Variants in IGSF3 observed in about 807,000 individuals in gnomAD.
IGSF3 encodes immunoglobulin superfamily member 3, also known as glu-Trp-Ile EWI motif-containing protein 3.
In IGSF3, 23 loss-of-function variants were observed where a neutral mutation model predicts 114.4. That is an observed-to-expected ratio of 0.20 (90% CI 0.14 to 0.28). The LOEUF is 0.28. Ranked by LOEUF, IGSF3 falls within the 10% of genes least tolerant of loss-of-function variation. The pLI is 1.00. For missense variants in IGSF3, 1,172 were observed against 1,591.5 expected (o/e 0.74, Z 4.48); for synonymous variants, 571 against 645.2 (o/e 0.88, Z 1.74).
chr1:116,640,664 T>C (rs1648049275), intron 2 of IGSF3, among the ~76,000 whole-genome samples: 1 of 152,242 alleles, frequency 6.6e-6, no homozygotes, highest in African/African-American at 2.4e-5. Flanking sequence ...GTCTGAATAA[T>C]CATTATCTAT....
At position 116,608,137 on chromosome 1, in the gene IGSF3, G is replaced by A. The variant is rs186643565; in HGVS notation, c.1027C>T (p.Arg343Trp). Reference sequence around the variant, plus strand: ...ACCTTAAGCTGTCCCCTGGCTTCCCGGTGAGCAAATTCGCTGTTGAGGACA... The same window carrying A: ...ACCTTAAGCTGTCCCCTGGCTTCCCAGTGAGCAAATTCGCTGTTGAGGACA... ...VPVLNSEFAH[R>W]EARGQLKVAK... is the part of the protein sequence containing the mutation. Residue 343 changes from arginine (R) to tryptophan (W), a missense_variant, in exon 5 of 11, where the codon CGG becomes TGG. Arg to Trp is a moderately radical substitution (Grantham distance 101). Coordinates refer to ENST00000369486, the MANE Select transcript of IGSF3 (RefSeq NM_001007237.3). 37 of 1,613,858 alleles carry A rather than the reference G, an allele frequency of 2.3e-5. No individual in the cohort carries two copies. The highest frequency in any genetic ancestry group is 4.4e-5 in the South Asian group (4 of 91,070).
intron 2 of IGSF3, chr1:116,646,934 G>A (rs1648403581): frequency 1.3e-5 from 2 of 152,302 alleles, no homozygotes; most frequent in Admixed American, 1.3e-4. Context: ...GGCTAATGCA[G>A]GTTCTTCTCT....
In IGSF3 at chr1:116,600,724, C is replaced by T. The variant is rs1660544667; in HGVS notation, c.1625-379G>A. Among the ~76,000 whole-genome samples, 1 of 152,160 alleles carries T rather than the reference C, an allele frequency of 6.6e-6. No homozygotes were observed. The highest frequency in any genetic ancestry group is 2.1e-4 in the South Asian group (1 of 4,830). ...GAACAGGAAAAGAAAACCCCAAAGC[C>T]AATTTCCTCCATTGCACAGGAGGAA... On this transcript the variant is annotated intron_variant, in intron 6 of 10. Coordinates refer to ENST00000369486, the MANE Select transcript of IGSF3 (RefSeq NM_001007237.3). The surrounding 1 kb of genome is among the most constrained non-coding windows in gnomAD (Gnocchi z 5.5).
In IGSF3 at chr1:116,584,976, C is replaced by G. The variant is rs143747759; in HGVS notation, c.2517G>C (p.Val839=). Residue 839 remains valine (V), a synonymous_variant, in exon 9 of 11, where the codon GTG becomes GTC. Transcript: ENST00000369486. This position sits in a 1 kb window ranked among gnomAD's most constrained non-coding sequence, Gnocchi z 5.8. The stretch of plus-strand genomic sequence containing the variant: ...AGGTTATGCTGGTGCGGTTGAGAAC[C>G]ACACACTCCAGCTGTACCTGCCGGG... ...LETRQVQLEC[V]VLNRTSITSQ... 5.3e-5 allele frequency: 85 copies of G among 1,603,212 alleles called. No individual in the cohort carries two copies. Among genetic ancestry groups the G allele is most frequent in the Non-Finnish European group, 6.8e-5 (80 of 1,172,072 alleles).
At chr1:116,641,790 T>A (rs1285936456) in intron 2 of IGSF3, among the ~76,000 whole-genome samples, 1 of 151,780 alleles carries the variant, frequency 6.6e-6, no homozygotes. Context: ...ATTATCAAAT[T>A]CGTGTGTCTG....
rs961894317 is a variant in IGSF3, at chr1:116,655,312, G to T, written c.43+10972C>A. Among the ~76,000 whole-genome samples, 10 of 152,214 alleles carry T rather than the reference G, an allele frequency of 6.6e-5. No individual in the cohort carries two copies. Among genetic ancestry groups the T allele is most frequent in the African/African-American group, 2.2e-4 (9 of 41,452 alleles). On this transcript the variant is annotated intron_variant, in intron 2 of 10. Transcript: ENST00000369486. This position sits in a 1 kb window ranked among gnomAD's most constrained non-coding sequence, Gnocchi z 4.3. ...GCTACCCCCAGAGGTCTCAGGACAA[G>T]GGATAGAAAGTCAAACACTGATGTT...
In IGSF3 at chr1:116,636,517, G is replaced by C. The variant is rs1647836486; in HGVS notation, c.44-20060C>G. ...CTGCTGGATCCCCAGCTCCTAGAAT[G>C]GTGTGTGGCACCTGAACAGACCTCA... On this transcript the variant is annotated intron_variant, in intron 2 of 10. Transcript: ENST00000369486. This position sits in a 1 kb window ranked among gnomAD's most constrained non-coding sequence, Gnocchi z 4.5. Among the ~76,000 whole-genome samples the C allele has an allele frequency of 6.6e-6, 1 of 152,136 alleles. No homozygotes were observed. Among genetic ancestry groups the C allele is most frequent in the Non-Finnish European group, 1.5e-5 (1 of 68,020 alleles).
Position 116,610,177 on chromosome 1 carries a change from T to C in IGSF3, c.833-1846A>G, listed in dbSNP as rs759646485. Among the ~76,000 whole-genome samples, 2 of 152,202 alleles carry C rather than the reference T, an allele frequency of 1.3e-5. No homozygotes were observed. The highest frequency in any genetic ancestry group is 2.9e-5 in the Non-Finnish European group (2 of 68,048). On this transcript the variant is annotated intron_variant, in intron 4 of 10. Coordinates refer to ENST00000369486, the MANE Select transcript of IGSF3 (RefSeq NM_001007237.3). The surrounding 1 kb of genome is among the most constrained non-coding windows in gnomAD (Gnocchi z 4.3). ...TCCCCGTGTTATCTGCTGGATATTA[T>C]CTCTCAGGTCAACCCAGTTAGTCAT... is the stretch of plus-strand genomic sequence containing the variant.
rs1557851661 is a variant in IGSF3, at chr1:116,577,555, G to A, written c.3342C>T (p.Thr1114=). 1.2e-6 allele frequency: 2 copies of A among 1,613,656 alleles called. No homozygotes were observed. The highest frequency in any genetic ancestry group is 1.3e-5 in the African/African-American group (1 of 74,870). The change falls in exon 11 of 11, where the codon ACC becomes ACT. Residue 1114 remains threonine (T), a synonymous_variant. Transcript: ENST00000369486. This position sits in a 1 kb window ranked among gnomAD's most constrained non-coding sequence, Gnocchi z 5.7. ...CGTTGGAGCAGATGATGGACTGGAGGGTGGGACCTGAAAAGAATCATGAGA... is the reference window on the plus strand; with the variant it reads ...CGTTGGAGCAGATGATGGACTGGAGAGTGGGACCTGAAAAGAATCATGAGA... ...IGIRVLDTSP[T]LQSIICSNDA... is the part of the protein sequence containing the mutation.
Position 116,658,982 on chromosome 1 carries a change from G to T in IGSF3, c.43+7302C>A, listed in dbSNP as rs559828714. Among the ~76,000 whole-genome samples the T allele has an allele frequency of 2.4e-3, 361 of 152,320 alleles. 1 individual carries two copies. The highest frequency in any genetic ancestry group is 8.3e-3 in the African/African-American group (343 of 41,562). On this transcript the variant is annotated intron_variant, in intron 2 of 10. Transcript: ENST00000369486. ...ATAATGGGAAATGGGGTCTTCTGGT[G>T]AATTTAATTACAGGGTTAGGTGGAA... is the stretch of plus-strand genomic sequence containing the variant.
At chr1:116,663,493 G>GTAA (rs1649197020) in intron 2 of IGSF3, among the ~76,000 whole-genome samples, 1 of 151,778 alleles carries the variant, frequency 6.6e-6, no homozygotes, top group East Asian at 1.9e-4. Context: ...CAAGGGTTGT[G>GTAA]GTGGCAGAGC....
Position 116,584,934 on chromosome 1 carries a change from T to C in IGSF3, c.2559A>G (p.Glu853=). The stretch of plus-strand genomic sequence containing the variant: ...GGTGGTTGGGCTTCCATACAAACCA[T>C]TCCACCATGAGCTGGGAGGTTATGC... ...RTSITSQLMV[E]WFVWKPNHPE... The change falls in exon 9 of 11, where the codon GAA becomes GAG. Residue 853 remains glutamate, a synonymous_variant. Transcript: ENST00000369486. This position sits in a 1 kb window ranked among gnomAD's most constrained non-coding sequence, Gnocchi z 5.8. 2 of 1,613,334 alleles carry C rather than the reference T, an allele frequency of 1.2e-6. No individual in the cohort carries two copies. The highest frequency in any genetic ancestry group is 2.2e-5 in the South Asian group (2 of 91,070).
At chr1:116,646,797 G>A (rs1307015465) in intron 2 of IGSF3, 3 of 152,266 alleles carry the variant, frequency 2.0e-5, no homozygotes, top group Non-Finnish European at 4.4e-5. Context: ...TGTGTTTCAA[G>A]TGATGCTAAC....
rs542894110 is a variant in IGSF3, at chr1:116,666,605, T to G, written c.-279A>C. ...CTGCCACATCGTGTGCCTTGCAGTT[T>G]CCACTGAAATTGCAGACTGTAGTGG... On this transcript the variant is annotated 5_prime_UTR_variant, in exon 2 of 11. Coordinates refer to ENST00000369486, the MANE Select transcript of IGSF3 (RefSeq NM_001007237.3). The G allele has an allele frequency of 2.1e-4, 122 of 593,870 alleles. No homozygotes were observed. In the South Asian group the frequency reaches 2.3e-3, roughly 11 times the overall value. 36.8% of individuals were successfully genotyped at this position (593,870 alleles called of 1,614,324 possible).
Position 116,593,979 on chromosome 1 carries a change from G to A in IGSF3, c.2030-4875C>T, listed in dbSNP as rs898209583. Among the ~76,000 whole-genome samples the A allele has an allele frequency of 1.3e-5, 2 of 152,220 alleles. No individual in the cohort carries two copies. The highest frequency in any genetic ancestry group is 4.8e-5 in the African/African-American group (2 of 41,442). ...TGACATTCATATGGGCAAAAATTAT[G>A]CCTCTGGGCCTAGAACCTACTTTCG... On this transcript the variant is annotated intron_variant, in intron 7 of 10. Transcript: ENST00000369486. The surrounding 1 kb of genome is among the most constrained non-coding windows in gnomAD (Gnocchi z 4.5).
rs190580334 is a variant in IGSF3 at position 116,648,676 on chromosome 1, G to A, written c.43+17608C>T. On this transcript the variant is annotated intron_variant, in intron 2 of 10. Transcript: ENST00000369486. The surrounding 1 kb of genome is among the most constrained non-coding windows in gnomAD (Gnocchi z 4.7). The stretch of plus-strand genomic sequence containing the variant: ...TTTTGACTCTTCTGAGAGTGGGAAA[G>A]ATTTGAAAGATGGGATTTGCACCTT... 3.6e-3 allele frequency among the ~76,000 whole-genome samples: 553 copies of A among 152,340 alleles called. 1 individual carries two copies. Among genetic ancestry groups the A allele is most frequent in the Non-Finnish European group, 6.0e-3 (405 of 68,026 alleles).
intron 10 of IGSF3, among the ~76,000 whole-genome samples, chr1:116,578,544 G>A (rs1557852172): frequency 6.6e-6 from 1 of 152,174 alleles, no homozygotes; most frequent in Non-Finnish European, 1.5e-5. Context: ...AACACAATGT[G>A]AGCACGGGGT....
At position 116,579,854 on chromosome 1, in the gene IGSF3, C is replaced by G; in HGVS notation, c.2872G>C (p.Val958Leu). The change falls in exon 10 of 11, where the codon GTG (valine) becomes CTG (leucine). Residue 958 changes from valine to leucine, a missense_variant. By Grantham distance (32) the Val-to-Leu change is conservative (BLOSUM62 1). Coordinates refer to ENST00000369486, the MANE Select transcript of IGSF3 (RefSeq NM_001007237.3). This position sits in a 1 kb window ranked among gnomAD's most constrained non-coding sequence, Gnocchi z 6.4. ...TCAGAGACCGTGGCATTGGGGACCA[C>G]TGTGTCCACCTGCAGGGAAGCATCT... The part of the protein sequence containing the change: ...RPDASLQVDT[V>L]VPNATVSEKA... 4 of 1,606,996 alleles carry G rather than the reference C, an allele frequency of 2.5e-6. No homozygotes were observed. The highest frequency in any genetic ancestry group is 2.5e-6 in the Non-Finnish European group (3 of 1,177,134).
Position 116,615,669 on chromosome 1 carries a change from G to A in IGSF3, c.421+411C>T, listed in dbSNP as rs1429873111. Among the ~76,000 whole-genome samples, 1 of 152,204 alleles carries A rather than the reference G, an allele frequency of 6.6e-6. No individual in the cohort carries two copies. Among genetic ancestry groups the A allele is most frequent in the Non-Finnish European group, 1.5e-5 (1 of 68,030 alleles). On this transcript the variant is annotated intron_variant, in intron 3 of 10. Transcript: ENST00000369486. This position sits in a 1 kb window ranked among gnomAD's most constrained non-coding sequence, Gnocchi z 4.3. ...GGACCCACAGCCACATGTGCTTCCT[G>A]CTTCAGCAGTGCCCCGTGGGTCTCA... is the stretch of plus-strand genomic sequence containing the variant.
Sources: gnomAD v4.1 joint callset for allele counts (sites outside exome capture counted in the v4.1 genomes callset) on GRCh38, gnomAD v4.1.1 for gene constraint, Gnocchi (gnomAD v3.1) non-coding constraint, MANE v1.5 for transcripts, NCBI Gene and HGNC (gene_info 2026-07-23, HGNC 2026-07-21) for gene names.